The following MED9 variants were observed in gnomAD, a reference collection of about 807,000 sequenced individuals.
MED9 encodes mediator of RNA polymerase II transcription subunit 9.
MED9 carries 8 observed loss-of-function variants against 13.2 expected under a neutral mutation model. The ratio of observed to expected loss-of-function variants is 0.61; its 90% CI spans 0.36 to 1.10. The LOEUF (loss-of-function observed/expected upper bound fraction) is 1.10, where lower values mean the gene tolerates loss of function less well. MED9 is among the 50% of genes least tolerant of loss of function. The pLI is 0.02. For synonymous variants in MED9, 87 were observed against 82.8 expected, an observed-to-expected ratio of 1.05 and a Z score of -0.28; for missense variants, 180 against 193.4, an observed-to-expected ratio of 0.93 and a Z score of 0.41.
intron 1 of MED9, chr17:17,485,161 A>G (rs1362298199): frequency 2.9e-6 from 1 of 344,806 alleles, no homozygotes; most frequent in Non-Finnish European, 5.2e-6. Context: ...CTACAGGCAC[A>G]CGCCACCATG....
At chr17:17,480,397 T>G (rs989077884) in intron 1 of MED9, among the ~76,000 whole-genome samples, 4 of 151,878 alleles carry the variant, frequency 2.6e-5, no homozygotes, top group African/African-American at 9.7e-5. Flanking sequence ...CAAGCATCAC[T>G]CATTTGCAGA....
intron 1 of MED9, among the ~76,000 whole-genome samples, chr17:17,477,936 C>T (rs535403945): frequency 1.2e-3 from 181 of 152,334 alleles, no homozygotes; most frequent in African/African-American, 4.2e-3. Flanking sequence ...TTCAAAGTGA[C>T]TCTGTAGAGG....
intron 1 of MED9, among the ~76,000 whole-genome samples, chr17:17,482,865 A>G (rs1207568980): frequency 6.6e-6 from 1 of 152,230 alleles, no homozygotes; most frequent in Non-Finnish European, 1.5e-5. Context: ...CCCTGCTTGC[A>G]GTGCCACCTT....
intron 1 of MED9, among the ~76,000 whole-genome samples, chr17:17,488,762 G>A (rs1428382457): frequency 6.6e-6 from 1 of 152,140 alleles, no homozygotes; most frequent in Non-Finnish European, 1.5e-5. Context: ...GAACCCGGGA[G>A]GCGGAGGTTG....
At position 17,477,019 on chromosome 17, in the gene MED9, C is replaced by T. The variant is rs766892595; in HGVS notation, c.-23C>T. 3 of 1,603,028 alleles carry T rather than the reference C, an allele frequency of 1.9e-6. No individual in the cohort carries two copies. In the African/African-American group the frequency reaches 4.0e-5, roughly 21 times the overall value. On this transcript the variant is annotated 5_prime_UTR_variant, in exon 1 of 2. Transcript: ENST00000268711. The stretch of plus-strand genomic sequence containing the variant: ...CGCGACGCTTTTGGCGACCCGACCT[C>T]TGGCTAACCTACCCCCGGAGCCATG...
In MED9 at chr17:17,492,182, C is replaced by A. The variant is rs1278413182; in HGVS notation, c.*687C>A. On this transcript the variant is annotated 3_prime_UTR_variant, in exon 2 of 2. Coordinates refer to ENST00000268711, the MANE Select transcript of MED9 (RefSeq NM_018019.3). Reference sequence around the variant, plus strand: ...TCCCTGCCTCCTAGCGCTCTCCTCGCCTTCAGCTCTTGCTCCCTTCCTCGT... The same window carrying A: ...TCCCTGCCTCCTAGCGCTCTCCTCGACTTCAGCTCTTGCTCCCTTCCTCGT... 1 of 153,952 alleles carries A rather than the reference C, an allele frequency of 6.5e-6. No homozygotes were observed. The highest frequency in any genetic ancestry group is 2.4e-5 in the African/African-American group (1 of 41,464). The allele number at this position is 153,952 out of a possible 1,614,324, so 9.5% of individuals were successfully genotyped here.
intron 1 of MED9, among the ~76,000 whole-genome samples, chr17:17,484,869 G>A (rs1458013765): frequency 1.3e-5 from 2 of 152,340 alleles, no homozygotes; most frequent in South Asian, 2.1e-4. Flanking sequence ...AAGCATTTAC[G>A]TGGGTCCTGG....
intron 1 of MED9, among the ~76,000 whole-genome samples, chr17:17,479,129 T>A (rs1213346480): frequency 6.6e-6 from 1 of 152,222 alleles, no homozygotes; most frequent in African/African-American, 2.4e-5. Context: ...TGGGTTGGGT[T>A]GGCCTTAAAA....
chr17:17,487,936 T>C (rs1905166584), intron 1 of MED9: 1 of 152,270 alleles, frequency 6.6e-6, no homozygotes, highest in African/African-American at 2.4e-5. Context: ...TGTATGCTGT[T>C]GTACATTTCA....
chr17:17,477,077 G>A lies in MED9; in HGVS notation c.36G>A (p.Ala12=), dbSNP rs562946243. ...CTGGGGTGGCAGCCGGGCGACAGGCGGAGGATGTATTGCCGCCAACGTCCG... is the reference window on the plus strand; with the variant it reads ...CTGGGGTGGCAGCCGGGCGACAGGCAGAGGATGTATTGCCGCCAACGTCCG... ...ASAGVAAGRQ[A]EDVLPPTSDQ... is the part of the protein sequence containing the mutation. The change falls in exon 1 of 2, where the codon GCG becomes GCA. Residue 12 remains alanine, a synonymous_variant. Coordinates refer to ENST00000268711, the MANE Select transcript of MED9 (RefSeq NM_018019.3). The A allele has an allele frequency of 9.3e-6, 15 of 1,607,244 alleles. No individual in the cohort carries two copies. In the South Asian group the frequency reaches 1.5e-4, roughly 16 times the overall value.
intron 1 of MED9, chr17:17,485,391 T>G (rs976805346): frequency 7.5e-6 from 3 of 398,300 alleles, no homozygotes; most frequent in Non-Finnish European, 1.3e-5. Context: ...CATCTGGGAT[T>G]TTTAAGCAGC....
chr17:17,478,129 G>A (rs755355839), intron 1 of MED9, among the ~76,000 whole-genome samples: 43 of 152,086 alleles, frequency 2.8e-4, no homozygotes, highest in Non-Finnish European at 5.9e-4. Context: ...CCAAGTAACC[G>A]GAACCACAGG....
rs1905229331 is a variant in MED9, at chr17:17,491,571, G to A, written c.*76G>A. The A allele has an allele frequency of 5.0e-6, 7 of 1,388,348 alleles. No homozygotes were observed. Among genetic ancestry groups the A allele is most frequent in the Non-Finnish European group, 7.1e-6 (7 of 991,336 alleles). 86.0% of individuals were successfully genotyped at this position (1,388,348 alleles called of 1,614,324 possible). ...CACTACCATCCCCAAACGCTCCTTG[G>A]GGCGTGGTTCCTGTGGACCCCAGCT... On this transcript the variant is annotated 3_prime_UTR_variant, in exon 2 of 2. Transcript: ENST00000268711.
At chr17:17,491,132 G>T in intron 1 of MED9, 147 bp from the exon 2 acceptor site, 5 of 737,850 alleles carry the variant, frequency 6.8e-6, no homozygotes, top group Non-Finnish European at 1.1e-5. Context: ...CCCTCTGGGG[G>T]TGGACAGCCT....
Position 17,491,505 on chromosome 17 carries a change from G to T in MED9, c.*10G>T. On this transcript the variant is annotated 3_prime_UTR_variant, in exon 2 of 2. Transcript: ENST00000268711. ...AATCCCCAAGGAGTAGAGTGAGGCT[G>T]ACTTCCTTAGAAAGAGGGGGAAGCC... 1 of 1,598,366 alleles carries T rather than the reference G, an allele frequency of 6.3e-7. No homozygotes were observed. The highest frequency in any genetic ancestry group is 1.1e-5 in the South Asian group (1 of 90,668).
Position 17,492,294 on chromosome 17 carries a change from C to T in MED9, c.*799C>T, listed in dbSNP as rs1175316734. The T allele has an allele frequency of 1.3e-5, 2 of 152,528 alleles. No homozygotes were observed. Among genetic ancestry groups the T allele is most frequent in the African/African-American group, 2.4e-5 (1 of 41,470 alleles). 9.4% of individuals were successfully genotyped at this position (152,528 alleles called of 1,614,324 possible). On this transcript the variant is annotated 3_prime_UTR_variant, in exon 2 of 2. Transcript: ENST00000268711. ...AGGGTTGACAAGGGGCCGTCCTTTC[C>T]ACACAGGCCAGAAGAGGTCTTCAGG...
At chr17:17,479,313 C>T (rs932491444) in intron 1 of MED9, among the ~76,000 whole-genome samples, 4 of 152,320 alleles carry the variant, frequency 2.6e-5, no homozygotes, top group Admixed American at 6.5e-5. Flanking sequence ...AAGAGAGGTT[C>T]AGATTATGTC....
intron 1 of MED9, among the ~76,000 whole-genome samples, chr17:17,479,024 A>G (rs55888211): frequency 0.017 from 2,573 of 152,300 alleles, 72 homozygotes; most frequent in African/African-American, 0.058. Context: ...TGGTTTTAAG[A>G]AAAATGTGGA....
At chr17:17,479,886 A>C (rs1160239100) in intron 1 of MED9, among the ~76,000 whole-genome samples, 2 of 152,134 alleles carry the variant, frequency 1.3e-5, no homozygotes, top group Non-Finnish European at 2.9e-5. Context: ...TCATCTACCA[A>C]CTCCTAAGCA....
Sources: gnomAD v4.1 joint callset for allele counts (sites outside exome capture counted in the v4.1 genomes callset) on GRCh38, gnomAD v4.1.1 for gene constraint, MANE v1.5 for transcripts, NCBI Gene and HGNC (gene_info 2026-07-23, HGNC 2026-07-21) for gene names.